The following GRIK4 variants were observed in gnomAD, a reference collection of about 807,000 sequenced individuals.
The protein encoded by GRIK4 is glutamate receptor ionotropic, kainate 4.
Under a neutral mutation model 104.9 loss-of-function variants are expected in GRIK4, and 40 were observed. The observed-to-expected ratio is 0.38, with a 90% CI of 0.30 to 0.50. GRIK4 has a LOEUF of 0.50. Ranked by LOEUF, GRIK4 falls within the 20% of genes least tolerant of loss-of-function variation. The pLI, the probability that GRIK4 is intolerant of heterozygous loss-of-function variation, is 0.93. For missense variants in GRIK4, 1,047 were observed against 1,308.1 expected, an observed-to-expected ratio of 0.80 and a Z score of 3.08; for synonymous variants, 485 against 524.9, an observed-to-expected ratio of 0.92 and a Z score of 1.04.
intron 13 of GRIK4, among the ~76,000 whole-genome samples, chr11:120,907,512 CTAAT>C (rs1942895354): frequency 6.6e-6 from 1 of 152,154 alleles, no homozygotes; most frequent in Non-Finnish European, 1.5e-5. Flanking sequence ...TTGACATGAA[CTAAT>C]TAATTAACCC....
intron 11 of GRIK4, among the ~76,000 whole-genome samples, chr11:120,876,406 C>A (rs1365970690): frequency 6.9e-6 from 1 of 144,352 alleles, no homozygotes; most frequent in African/African-American, 2.6e-5. Flanking sequence ...ATCATCACAA[C>A]CACCATTGTC....
intron 1 of GRIK4, among the ~76,000 whole-genome samples, chr11:120,536,672 G>A (rs1947979799): frequency 6.6e-6 from 1 of 152,178 alleles, no homozygotes. Flanking sequence ...CTCAGGTGAG[G>A]AGGGAGAAGG....
At chr11:120,657,818 G>A (rs1347038017) in intron 2 of GRIK4, among the ~76,000 whole-genome samples, 1 of 152,176 alleles carries the variant, frequency 6.6e-6, no homozygotes, top group Non-Finnish European at 1.5e-5. Context: ...CCCTGAACAA[G>A]ATTTTTTTCT....
intron 12 of GRIK4, among the ~76,000 whole-genome samples, chr11:120,901,617 G>A (rs17124516): frequency 0.017 from 2,524 of 152,282 alleles, 84 homozygotes; most frequent in African/African-American, 0.057. Context: ...CAAAGTAGGA[G>A]CTCAATAATT....
chr11:120,988,455 A>T lies in GRIK4; in HGVS notation c.*2195A>T, dbSNP rs370728372. 1 of 152,162 alleles carries T rather than the reference A, an allele frequency of 6.6e-6. No homozygotes were observed. Among genetic ancestry groups the T allele is most frequent in the Non-Finnish European group, 1.5e-5 (1 of 68,026 alleles). The allele number at this position is 152,162 out of a possible 1,614,324, so 9.4% of individuals were successfully genotyped here. A position where few individuals can be genotyped will look rare whatever the true frequency, so the allele number is the denominator to read the frequency against. Reference sequence around the variant, plus strand: ...AAAAACTCGTTTTTATGAGCAGGCTATCTTGATCAATAGCAAACTTTTTTT... The same window carrying T: ...AAAAACTCGTTTTTATGAGCAGGCTTTCTTGATCAATAGCAAACTTTTTTT... On this transcript the variant is annotated 3_prime_UTR_variant, in exon 21 of 21. Coordinates refer to ENST00000527524, the MANE Select transcript of GRIK4 (RefSeq NM_014619.5).
intron 14 of GRIK4, among the ~76,000 whole-genome samples, chr11:120,949,608 TA>T (rs1255701473): frequency 6.6e-6 from 1 of 152,146 alleles, no homozygotes; most frequent in Non-Finnish European, 1.5e-5. Context: ...AAGAGTACTC[TA>T]AGGGGGTGTG....
chr11:120,663,935 C>T (rs1949861773), intron 3 of GRIK4, among the ~76,000 whole-genome samples: 2 of 152,202 alleles, frequency 1.3e-5, no homozygotes, highest in Admixed American at 1.3e-4. Flanking sequence ...CCCCATTCCC[C>T]CAGCACATAA....
intron 3 of GRIK4, among the ~76,000 whole-genome samples, chr11:120,744,965 G>A (rs1025681648): frequency 3.3e-5 from 5 of 152,184 alleles, no homozygotes; most frequent in Non-Finnish European, 7.3e-5. Context: ...GAAAAAAATG[G>A]CCCAATTCTA....
chr11:120,962,881 C>T (rs1944316522), intron 18 of GRIK4, 200 bp downstream of exon 18: 1 of 493,202 alleles, frequency 2.0e-6, no homozygotes, highest in Non-Finnish European at 3.6e-6. Context: ...GACCAGTGCT[C>T]AATCCTTAAT....
At chr11:120,945,356 A>G (rs1021058974) in intron 14 of GRIK4, among the ~76,000 whole-genome samples, 1 of 152,140 alleles carries the variant, frequency 6.6e-6, no homozygotes, top group Non-Finnish European at 1.5e-5. Context: ...TTGTTTATCT[A>G]TCTCTCCCTT....
At position 120,875,095 on chromosome 11, in the gene GRIK4, A is replaced by T. The variant is rs752605259; in HGVS notation, c.1060-44A>T. 7.2e-6 allele frequency: 9 copies of T among 1,254,120 alleles called. No individual in the cohort carries two copies. The South Asian group carries it at 9.6e-5, about 13-fold the overall frequency. The allele number at this position is 1,254,120 out of a possible 1,614,324, so 77.7% of individuals were successfully genotyped here. A position where few individuals can be genotyped will look rare whatever the true frequency, so the allele number is the denominator to read the frequency against. The stretch of plus-strand genomic sequence containing the variant: ...GAAATCTTGCTTGGGGGCAAGTGTA[A>T]CCTGGGGCCTGTTTGGTGCTGTAAC... On this transcript the variant is annotated intron_variant, in intron 10 of 20. Coordinates refer to ENST00000527524, the MANE Select transcript of GRIK4 (RefSeq NM_014619.5).
At chr11:120,694,863 A>C (rs1348050771) in intron 3 of GRIK4, among the ~76,000 whole-genome samples, 3 of 152,192 alleles carry the variant, frequency 2.0e-5, no homozygotes, top group Non-Finnish European at 2.9e-5. Flanking sequence ...ACAGGCAAGC[A>C]ACACAGGTCA....
intron 1 of GRIK4, among the ~76,000 whole-genome samples, chr11:120,547,001 G>A (rs894174020): frequency 6.6e-6 from 1 of 152,182 alleles, no homozygotes; most frequent in Admixed American, 6.5e-5. Flanking sequence ...CTTAAGCCTC[G>A]TGCATGCAGA....
chr11:120,595,560 C>G (rs915526860), intron 1 of GRIK4, among the ~76,000 whole-genome samples: 8 of 152,170 alleles, frequency 5.3e-5, no homozygotes, highest in Non-Finnish European at 8.8e-5. Flanking sequence ...TGACCTTATC[C>G]TCTGCTGCTT....
chr11:120,619,952 A>G, intron 1 of GRIK4: 1 of 416,984 alleles, frequency 2.4e-6, no homozygotes, highest in Non-Finnish European at 4.4e-6. Flanking sequence ...GGAAGTTCGC[A>G]GCCACCAGCA....
chr11:120,803,733 C>T (rs1050235768), intron 4 of GRIK4, among the ~76,000 whole-genome samples: 3 of 152,196 alleles, frequency 2.0e-5, no homozygotes, highest in African/African-American at 7.2e-5. Flanking sequence ...CCACTGCGCC[C>T]AGCCTATTGT....
chr11:120,741,765 T>C (rs965997029), intron 3 of GRIK4, among the ~76,000 whole-genome samples: 1 of 152,208 alleles, frequency 6.6e-6, no homozygotes, highest in Non-Finnish European at 1.5e-5. Context: ...CACGCATACA[T>C]GCACAGGCAA....
intron 3 of GRIK4, among the ~76,000 whole-genome samples, chr11:120,723,747 A>G (rs1431839518): frequency 6.6e-6 from 1 of 152,014 alleles, no homozygotes; most frequent in Non-Finnish European, 1.5e-5. Context: ...GTGCTTTATA[A>G]GCTGTGACGC....
chr11:120,833,554 C>G (rs933429138), intron 7 of GRIK4, among the ~76,000 whole-genome samples: 2 of 152,190 alleles, frequency 1.3e-5, no homozygotes, highest in South Asian at 2.1e-4. Context: ...GTAGCTGGAG[C>G]CTGCCTGAAC....
Sources: allele counts gnomAD v4.1 joint callset (sites outside exome capture counted in the v4.1 genomes callset), GRCh38; gene constraint gnomAD v4.1.1; transcripts MANE v1.5; gene names NCBI Gene and HGNC (gene_info 2026-07-23, HGNC 2026-07-21).